TRERF1: variants seen among roughly 807,000 people sequenced by gnomAD.
TRERF1 encodes the protein transcriptional regulating factor 1.
TRERF1 carries 27 observed loss-of-function variants against 122.9 expected under a neutral mutation model. The ratio of observed to expected loss-of-function variants is 0.22; its 90% CI spans 0.16 to 0.30. TRERF1 has a LOEUF of 0.30. TRERF1 is among the 10% of genes least tolerant of loss of function. The pLI is 1.00. For missense variants in TRERF1, 1,248 were observed against 1,560.3 expected (o/e 0.80, Z 3.37); for synonymous variants, 636 against 641.7 (o/e 0.99, Z 0.13).
intron 15 of TRERF1, among the ~76,000 whole-genome samples, chr6:42,242,087 CCT>C (rs888122337): frequency 1.3e-5 from 2 of 152,088 alleles, no homozygotes; most frequent in African/African-American, 4.8e-5. Context: ...AAAGTGAGAC[CCT>C]GTCTCAAACA....
intron 3 of TRERF1, among the ~76,000 whole-genome samples, chr6:42,331,480 C>G (rs1287643099): frequency 6.6e-6 from 1 of 152,190 alleles, no homozygotes; most frequent in East Asian, 1.9e-4. Context: ...AGTGGAGGTT[C>G]CTGCTCGGGA....
intron 3 of TRERF1, among the ~76,000 whole-genome samples, chr6:42,354,911 G>A (rs766984876): frequency 2.6e-5 from 4 of 152,116 alleles, no homozygotes; most frequent in Non-Finnish European, 5.9e-5. Context: ...AAAACATCCT[G>A]ATGGGACTTT....
chr6:42,293,189 C>T (rs1415281845), intron 4 of TRERF1, among the ~76,000 whole-genome samples: 2 of 152,320 alleles, frequency 1.3e-5, no homozygotes, highest in South Asian at 2.1e-4. Context: ...AAAGAAAAAA[C>T]GAGGCCAATC....
chr6:42,428,313 C>T (rs755433821), intron 2 of TRERF1, among the ~76,000 whole-genome samples: 1 of 152,214 alleles, frequency 6.6e-6, no homozygotes, highest in Non-Finnish European at 1.5e-5. Context: ...ATTTTTAGTT[C>T]TGCAGACTTG....
chr6:42,342,041 A>T (rs1012024583), intron 3 of TRERF1, among the ~76,000 whole-genome samples: 2 of 152,248 alleles, frequency 1.3e-5, no homozygotes, highest in African/African-American at 4.8e-5. Context: ...AATTGCAAGG[A>T]TACTGCAACC....
intron 2 of TRERF1, among the ~76,000 whole-genome samples, chr6:42,446,701 TAA>T (rs1310548531): frequency 2.6e-5 from 4 of 152,020 alleles, no homozygotes; most frequent in Non-Finnish European, 1.5e-5. Flanking sequence ...CTTATGGCAT[TAA>T]AAAAACCCTC....
intron 2 of TRERF1, among the ~76,000 whole-genome samples, chr6:42,374,364 G>C (rs1774428973): frequency 6.6e-6 from 1 of 152,098 alleles, no homozygotes; most frequent in Admixed American, 6.6e-5. Flanking sequence ...CTTCACCACA[G>C]TTTGACAGTG....
intron 15 of TRERF1, among the ~76,000 whole-genome samples, chr6:42,241,180 G>A (rs1773612642): frequency 6.6e-6 from 1 of 152,064 alleles, no homozygotes; most frequent in Admixed American, 6.5e-5. Flanking sequence ...CACAGTGCCT[G>A]GGTGATCACA....
chr6:42,262,827 T>C (rs1305651201), intron 8 of TRERF1, among the ~76,000 whole-genome samples: 7 of 152,122 alleles, frequency 4.6e-5, no homozygotes, highest in Non-Finnish European at 1.0e-4. Context: ...CTTGTCAGAA[T>C]GGATGCCAGG....
intron 4 of TRERF1, among the ~76,000 whole-genome samples, chr6:42,281,353 T>C (rs1782269806): frequency 6.6e-6 from 1 of 152,112 alleles, no homozygotes; most frequent in African/African-American, 2.4e-5. Context: ...TTCTGTTTGT[T>C]GGAAACATTA....
intron 2 of TRERF1, among the ~76,000 whole-genome samples, chr6:42,367,517 G>A (rs529073447): frequency 3.9e-5 from 6 of 152,242 alleles, no homozygotes; most frequent in Non-Finnish European, 5.9e-5. Context: ...GATGAAATCC[G>A]GCCCTGCTGG....
intron 3 of TRERF1, among the ~76,000 whole-genome samples, chr6:42,310,811 T>C (rs1405479824): frequency 1.3e-5 from 2 of 152,140 alleles, no homozygotes; most frequent in Non-Finnish European, 2.9e-5. Flanking sequence ...AGAAAGCAGG[T>C]GTCTATTTTT....
chr6:42,297,033 C>T (rs909538942), intron 4 of TRERF1, among the ~76,000 whole-genome samples: 5 of 152,130 alleles, frequency 3.3e-5, no homozygotes, highest in Non-Finnish European at 1.5e-5. Context: ...AAAGTTTGTC[C>T]TTGCCAATGG....
intron 15 of TRERF1, among the ~76,000 whole-genome samples, chr6:42,238,871 A>ACAC (rs1554124321): frequency 8.5e-6 from 1 of 117,894 alleles, no homozygotes; most frequent in Non-Finnish European, 1.8e-5. Context: ...ACACACACAC[A>ACAC]ATTTCTAGTT....
At chr6:42,315,724 T>G (rs1358812159) in intron 3 of TRERF1, among the ~76,000 whole-genome samples, 1 of 63,142 alleles carries the variant, frequency 1.6e-5, no homozygotes, top group South Asian at 4.9e-4. Context: ...CCCCACCCAC[T>G]GCCACCCCCT....
chr6:42,364,415 C>T (rs926745970), intron 2 of TRERF1, among the ~76,000 whole-genome samples: 2 of 152,234 alleles, frequency 1.3e-5, no homozygotes, highest in Non-Finnish European at 1.5e-5. Flanking sequence ...CCCCTTTCCC[C>T]ACTTCCCTTA....
chr6:42,247,513 T>C (rs1313762560), intron 13 of TRERF1, among the ~76,000 whole-genome samples: 3 of 152,044 alleles, frequency 2.0e-5, no homozygotes, highest in Non-Finnish European at 4.4e-5. Context: ...CTGGTTCAAG[T>C]ATAAGGTTCC....
chr6:42,314,669 T>A (rs1762200664), intron 3 of TRERF1, among the ~76,000 whole-genome samples: 1 of 152,170 alleles, frequency 6.6e-6, no homozygotes, highest in Non-Finnish European at 1.5e-5. Flanking sequence ...TAGGAAATAG[T>A]CAGGGAAGCC....
chr6:42,337,537 G>A (rs1016257446), intron 3 of TRERF1, among the ~76,000 whole-genome samples: 2 of 152,114 alleles, frequency 1.3e-5, no homozygotes, highest in Non-Finnish European at 2.9e-5. Context: ...AGGCAGCCAC[G>A]CTCAAACCAC....
Sources: gnomAD v4.1 joint callset for allele counts (sites outside exome capture counted in the v4.1 genomes callset) on GRCh38, gnomAD v4.1.1 for gene constraint, MANE v1.5 for transcripts, NCBI Gene and HGNC (gene_info 2026-07-23, HGNC 2026-07-21) for gene names.